DLGAP2: variants seen among roughly 807,000 people sequenced by gnomAD.
DLGAP2 encodes disks large-associated protein 2.
In DLGAP2, 26 loss-of-function variants were observed where a neutral mutation model predicts 100.3. That is an observed-to-expected ratio of 0.26 (90% CI 0.19 to 0.36). The LOEUF (loss-of-function observed/expected upper bound fraction) is 0.36, where lower values mean the gene tolerates loss of function less well. Ranked by LOEUF, DLGAP2 falls within the 10% of genes least tolerant of loss-of-function variation. The probability of loss-of-function intolerance (pLI) is 1.00; values close to 1 mark genes in which losing one functional copy is unlikely to be tolerated. For missense variants in DLGAP2, 1,858 were observed against 1,453.2 expected, an observed-to-expected ratio of 1.28 and a Z score of -4.53; for synonymous variants, 886 against 630.1, an observed-to-expected ratio of 1.41 and a Z score of -6.08.
intron 2 of DLGAP2, among the ~76,000 whole-genome samples, chr8:1,090,847 C>G (rs1385844346): frequency 6.6e-6 from 1 of 152,156 alleles, no homozygotes; most frequent in Non-Finnish European, 1.5e-5. Context: ...GAGATTTTGT[C>G]CAAAAGTCTG....
intron 1 of DLGAP2, among the ~76,000 whole-genome samples, chr8:898,396 G>A (rs868236670): frequency 3.3e-5 from 5 of 152,218 alleles, no homozygotes; most frequent in African/African-American, 1.2e-4. Context: ...GTCCCTGGAA[G>A]GCGGTCATTG....
chr8:1,043,111 G>A (rs894229743), intron 2 of DLGAP2, among the ~76,000 whole-genome samples: 4 of 147,070 alleles, frequency 2.7e-5, no homozygotes, highest in Non-Finnish European at 6.0e-5. Flanking sequence ...GGATATGGGT[G>A]GTGGAAGTGG....
intron 1 of DLGAP2, among the ~76,000 whole-genome samples, chr8:858,929 A>G (rs1340039719): frequency 6.6e-6 from 1 of 152,170 alleles, no homozygotes; most frequent in Admixed American, 6.5e-5. Context: ...GTTTCACACT[A>G]ACATAAGCTG....
chr8:1,042,442 C>G (rs1241272542), intron 2 of DLGAP2, among the ~76,000 whole-genome samples: 1 of 152,198 alleles, frequency 6.6e-6, no homozygotes, highest in African/African-American at 2.4e-5. Flanking sequence ...CACTTGTTAT[C>G]TTGTAAACGT....
At position 1,491,397 on chromosome 8, in the gene DLGAP2, T is replaced by TCGGAAGCTTCAGGCTGCTCCCCCGATCC. The variant is rs1799383555; in HGVS notation, c.107-9965_107-9964insAGCTTCAGGCTGCTCCCCCGATCCCGGA. On this transcript the variant is annotated intron_variant, in intron 3 of 14. Transcript: ENST00000637795. ...AGGCTTCGGGCTGCTCCCCCTGACC[T>TCGGAAGCTTCAGGCTGCTCCCCCGATCC]CGGAGGCTTCCGGCTGCTCCCCCTG... Among the ~76,000 whole-genome samples the TCGGAAGCTTCAGGCTGCTCCCCCGATCC allele has an allele frequency of 3.3e-5, 5 of 149,474 alleles. 1 individual carries two copies. In the South Asian group the frequency reaches 1.1e-3, roughly 32 times the overall value.
intron 2 of DLGAP2, among the ~76,000 whole-genome samples, chr8:977,725 G>T (rs1194908749): frequency 5.5e-5 from 3 of 54,630 alleles, no homozygotes; most frequent in Admixed American, 2.9e-4. Flanking sequence ...AATGTGGGGA[G>T]GGCGTCGGGG....
intron 8 of DLGAP2, among the ~76,000 whole-genome samples, chr8:1,650,517 A>C (rs1229690571): frequency 1.3e-5 from 2 of 152,350 alleles, no homozygotes; most frequent in Non-Finnish European, 2.9e-5. Context: ...CTGTGAGGGT[A>C]TTCTAAAACA....
chr8:1,254,974 T>TGGGTGCTGTGTGTGTGTCCTCTCCTGC (rs1799146161), intron 2 of DLGAP2, among the ~76,000 whole-genome samples: 2 of 32,320 alleles, frequency 6.2e-5, no homozygotes, highest in African/African-American at 1.5e-4. Flanking sequence ...TCTCATCCTG[T>TGGGTGCTGTGTGTGTGTCCTCTCCTGC]CCGGGTGCTG....
chr8:878,317 C>A (rs556576704), intron 1 of DLGAP2, among the ~76,000 whole-genome samples: 1 of 152,222 alleles, frequency 6.6e-6, no homozygotes, highest in Admixed American at 6.5e-5. Context: ...CCATGGGACC[C>A]TCTGAATGTA....
chr8:1,620,084 C>T (rs1797278573), intron 6 of DLGAP2, among the ~76,000 whole-genome samples: 1 of 152,222 alleles, frequency 6.6e-6, no homozygotes, highest in African/African-American at 2.4e-5. Context: ...TCTCAAATCG[C>T]CTGTCCTCTC....
intron 1 of DLGAP2, among the ~76,000 whole-genome samples, chr8:878,656 A>G (rs1415849905): frequency 1.3e-5 from 2 of 152,114 alleles, no homozygotes; most frequent in Non-Finnish European, 2.9e-5. Flanking sequence ...TTGGTCCACG[A>G]GGGACCCTCA....
chr8:923,219 T>C (rs781471234), intron 2 of DLGAP2, among the ~76,000 whole-genome samples: 5 of 152,118 alleles, frequency 3.3e-5, no homozygotes, highest in Non-Finnish European at 7.3e-5. Context: ...TTCTCTCCTG[T>C]GTTAGGTAGC....
chr8:999,333 CTT>C (rs1359888330), intron 2 of DLGAP2, among the ~76,000 whole-genome samples: 1 of 151,872 alleles, frequency 6.6e-6, no homozygotes, highest in Non-Finnish European at 1.5e-5. Flanking sequence ...CCTGTTACCT[CTT>C]CTCTCACTTT....
intron 2 of DLGAP2, among the ~76,000 whole-genome samples, chr8:955,897 G>T (rs1191691739): frequency 6.6e-6 from 1 of 152,168 alleles, no homozygotes; most frequent in Admixed American, 6.5e-5. Context: ...TGAGTGGCAT[G>T]TGTTGCTCGG....
At chr8:912,474 G>A (rs747884376) in intron 2 of DLGAP2, among the ~76,000 whole-genome samples, 8 of 152,182 alleles carry the variant, frequency 5.3e-5, no homozygotes, top group Non-Finnish European at 7.3e-5. Flanking sequence ...GAGAGGGTGG[G>A]TGGGGAGGCC....
At chr8:1,254,620 T>G (rs951668534) in intron 2 of DLGAP2, among the ~76,000 whole-genome samples, 1 of 152,196 alleles carries the variant, frequency 6.6e-6, no homozygotes, top group African/African-American at 2.4e-5. Flanking sequence ...AAATAGGGTT[T>G]CAGAGCTTCG....
chr8:939,893 G>A (rs1799154292), intron 2 of DLGAP2, among the ~76,000 whole-genome samples: 1 of 151,918 alleles, frequency 6.6e-6, no homozygotes, highest in Non-Finnish European at 1.5e-5. Context: ...CCCACTCGGA[G>A]GCCCCAGGCT....
At position 1,233,474 on chromosome 8, in the gene DLGAP2, GC is replaced by G. The variant is rs1223587960; in HGVS notation, c.74-25376del. On this transcript the variant is annotated intron_variant, in intron 2 of 14. Coordinates refer to ENST00000637795, the MANE Select transcript of DLGAP2 (RefSeq NM_001346810.2). ...CGGGCCTGAATGGTTGGCTAACGGG[GC>G]TAATCGCAGAGCGCAGGGAAGGTTG... Among the ~76,000 whole-genome samples the G allele has an allele frequency of 2.6e-5, 4 of 152,196 alleles. No homozygotes were observed. The East Asian group carries it at 5.8e-4, about 22-fold the overall frequency.
At chr8:1,700,479 C>A (rs906765762) in intron 14 of DLGAP2, among the ~76,000 whole-genome samples, 4 of 151,998 alleles carry the variant, frequency 2.6e-5, no homozygotes, top group African/African-American at 4.8e-5. Context: ...GGGACACAGA[C>A]CTTTTGTGGG....
Sources: allele counts gnomAD v4.1 joint callset (sites outside exome capture counted in the v4.1 genomes callset), GRCh38; gene constraint gnomAD v4.1.1; transcripts MANE v1.5; gene names NCBI Gene and HGNC (gene_info 2026-07-23, HGNC 2026-07-21).